The following GRID1 variants were observed in gnomAD, a reference collection of about 807,000 sequenced individuals.
GRID1 encodes glutamate receptor ionotropic, delta-1.
A neutral mutation model predicts 98.0 loss-of-function variants in GRID1; 28 were observed. That is an observed-to-expected ratio of 0.29 (90% CI 0.21 to 0.39). The LOEUF (loss-of-function observed/expected upper bound fraction) is 0.39, where lower values mean the gene tolerates loss of function less well. Ranked by LOEUF, GRID1 falls within the 10% of genes least tolerant of loss-of-function variation. GRID1 has a pLI of 1.00. For synonymous variants in GRID1, 553 were observed against 538.5 expected (o/e 1.03, Z -0.37); for missense variants, 1,111 against 1,340.5 (o/e 0.83, Z 2.67).
At chr10:86,112,123 C>T (rs116839905) in intron 4 of GRID1, among the ~76,000 whole-genome samples, 234 of 152,266 alleles carry the variant, frequency 1.5e-3, no homozygotes, top group African/African-American at 5.3e-3. Flanking sequence ...CAAGTCATCC[C>T]AGGTGAGGAC....
At chr10:85,755,899 A>G (rs1354081926) in intron 8 of GRID1, among the ~76,000 whole-genome samples, 1 of 152,026 alleles carries the variant, frequency 6.6e-6, no homozygotes, top group South Asian at 2.1e-4. Flanking sequence ...AGCCCTTCCC[A>G]CAGGCCAAAG....
At chr10:85,780,900 A>AT (rs1311128864) in intron 8 of GRID1, among the ~76,000 whole-genome samples, 1 of 152,250 alleles carries the variant, frequency 6.6e-6, no homozygotes, top group Admixed American at 6.5e-5. Context: ...TGCTATTATA[A>AT]TTGCACAAGT....
rs199526669 is a variant in GRID1, at chr10:86,046,861, CAAAAAAAAAA to C, written c.726+91948_726+91957del. 5.6e-3 allele frequency among the ~76,000 whole-genome samples: 603 copies of C among 107,666 alleles called. 4 individuals carry two copies. The highest frequency in any genetic ancestry group is 0.019 in the African/African-American group (549 of 28,424). 70.6% of individuals were successfully genotyped at this position (107,666 alleles called of 152,430 possible). A position where few individuals can be genotyped will look rare whatever the true frequency, so the allele number is the denominator to read the frequency against. On this transcript the variant is annotated intron_variant, in intron 4 of 15. Coordinates refer to ENST00000327946, the MANE Select transcript of GRID1 (RefSeq NM_017551.3). ...ATGCCACAAATTTTTAAGCCCATTTCAAAAAAAAAAAAAAAAAAAAGACAGAGACTCAGAG... is the reference window on the plus strand; with the variant it reads ...ATGCCACAAATTTTTAAGCCCATTTCAAAAAAAAAAGACAGAGACTCAGAG...
chr10:86,197,393 C>A (rs1845891415), intron 3 of GRID1, among the ~76,000 whole-genome samples: 1 of 152,136 alleles, frequency 6.6e-6, no homozygotes, highest in Non-Finnish European at 1.5e-5. Context: ...GAGGTCCCAT[C>A]TGGACTAGTG....
At chr10:85,620,658 C>T (rs545000877) in intron 13 of GRID1, among the ~76,000 whole-genome samples, 56 of 152,158 alleles carry the variant, frequency 3.7e-4, no homozygotes, top group African/African-American at 1.3e-3. Context: ...TATGGTGCCA[C>T]GCCAGGCTTC....
At chr10:86,249,588 G>A (rs547234377) in intron 2 of GRID1, among the ~76,000 whole-genome samples, 19 of 151,910 alleles carry the variant, frequency 1.3e-4, no homozygotes, top group Admixed American at 5.9e-4. Flanking sequence ...CACACACCCC[G>A]ACTCACCTCC....
intron 12 of GRID1, among the ~76,000 whole-genome samples, chr10:85,662,044 T>G (rs1287594435): frequency 6.6e-6 from 1 of 152,160 alleles, no homozygotes; most frequent in East Asian, 1.9e-4. Context: ...CCAGGCCAGG[T>G]AGGAGGAACA....
At chr10:86,054,408 T>C (rs1245139268) in intron 4 of GRID1, among the ~76,000 whole-genome samples, 2 of 152,338 alleles carry the variant, frequency 1.3e-5, no homozygotes, top group East Asian at 1.9e-4. Flanking sequence ...CAAAGATGAC[T>C]TGTTGCTGGA....
chr10:85,996,287 T>C (rs1427834981), intron 4 of GRID1, among the ~76,000 whole-genome samples: 1 of 152,152 alleles, frequency 6.6e-6, no homozygotes, highest in African/African-American at 2.4e-5. Flanking sequence ...TGGCAAAGGC[T>C]TTAAAGTAAC....
At chr10:85,632,269 C>T (rs1298105667) in intron 13 of GRID1, among the ~76,000 whole-genome samples, 1 of 152,138 alleles carries the variant, frequency 6.6e-6, no homozygotes, top group Non-Finnish European at 1.5e-5. Flanking sequence ...CAGACAGCAT[C>T]AATGGGCACC....
chr10:85,883,484 C>T (rs1472166724), intron 5 of GRID1, among the ~76,000 whole-genome samples: 1 of 146,390 alleles, frequency 6.8e-6, no homozygotes, highest in Non-Finnish European at 1.5e-5. Context: ...CTTTGTCCTT[C>T]TCTCTCTGTC....
intron 12 of GRID1, among the ~76,000 whole-genome samples, chr10:85,648,351 G>A (rs890361144): frequency 4.6e-5 from 7 of 152,198 alleles, no homozygotes; most frequent in African/African-American, 1.2e-4. Flanking sequence ...TTGGCTCAGC[G>A]TGTTGACAGA....
At chr10:85,831,757 G>A (rs1842869097) in intron 8 of GRID1, among the ~76,000 whole-genome samples, 1 of 152,046 alleles carries the variant, frequency 6.6e-6, no homozygotes, top group Non-Finnish European at 1.5e-5. Flanking sequence ...AATAATGTTT[G>A]AGCTGGATAA....
intron 4 of GRID1, among the ~76,000 whole-genome samples, chr10:85,949,583 TG>T (rs1049599150): frequency 4.6e-5 from 7 of 152,170 alleles, no homozygotes; most frequent in Admixed American, 2.6e-4. Context: ...TTATGGATGG[TG>T]CTGCCACATT....
intron 8 of GRID1, among the ~76,000 whole-genome samples, chr10:85,765,364 G>A (rs1842187781): frequency 6.6e-6 from 1 of 152,178 alleles, no homozygotes; most frequent in South Asian, 2.1e-4. Context: ...GAAGGTCCTA[G>A]CAATGTGTTC....
At chr10:86,360,608 G>A (rs978773702) in intron 2 of GRID1, among the ~76,000 whole-genome samples, 2 of 152,096 alleles carry the variant, frequency 1.3e-5, no homozygotes, top group South Asian at 2.1e-4. Flanking sequence ...AAATATCAAC[G>A]GCCTCAAGAG....
intron 12 of GRID1, among the ~76,000 whole-genome samples, chr10:85,652,339 T>C (rs1843282959): frequency 6.6e-6 from 1 of 152,218 alleles, no homozygotes; most frequent in Non-Finnish European, 1.5e-5. Context: ...TACAAAAATA[T>C]TTACATTGGC....
At chr10:85,647,083 G>T in intron 13 of GRID1, 119 bp downstream of exon 13, 2 of 763,056 alleles carry the variant, frequency 2.6e-6, no homozygotes, top group Non-Finnish European at 4.5e-6. Context: ...GCGATGGATC[G>T]CCTTGCAGGT....
At chr10:85,743,995 A>C (rs1841974452) in intron 8 of GRID1, among the ~76,000 whole-genome samples, 1 of 152,190 alleles carries the variant, frequency 6.6e-6, no homozygotes, top group Admixed American at 6.5e-5. Flanking sequence ...TTGGATTCAA[A>C]AATAAAATAT....
Sources: allele counts gnomAD v4.1 joint callset (sites outside exome capture counted in the v4.1 genomes callset), GRCh38; gene constraint gnomAD v4.1.1; transcripts MANE v1.5; gene names NCBI Gene and HGNC (gene_info 2026-07-23, HGNC 2026-07-21).